Variants in ZBTB2 observed in about 807,000 individuals in gnomAD.
The protein encoded by ZBTB2 is zinc finger and BTB domain containing 2.
ZBTB2 carries 2 observed loss-of-function variants against 39.5 expected under a neutral mutation model. That is an observed-to-expected ratio of 0.05 (90% confidence interval 0.02 to 0.16). The LOEUF (loss-of-function observed/expected upper bound fraction) is 0.16. ZBTB2 is among the 10% of genes least tolerant of loss of function. ZBTB2 has a pLI of 1.00. For synonymous variants in ZBTB2, 251 were observed against 256.6 expected, an observed-to-expected ratio of 0.98 and a Z score of 0.21; for missense variants, 391 against 653.0, an observed-to-expected ratio of 0.60 and a Z score of 4.37.
chr6:151,390,492 C>T (rs1182568924), intron 1 of ZBTB2, among the ~76,000 whole-genome samples: 1 of 150,294 alleles, frequency 6.7e-6, no homozygotes, highest in Non-Finnish European at 1.5e-5. Context: ...AATGCCGACG[C>T]CTACGCCGTG....
At chr6:151,381,188 T>A (rs1181717381) in intron 1 of ZBTB2, among the ~76,000 whole-genome samples, 1 of 152,194 alleles carries the variant, frequency 6.6e-6, no homozygotes, top group Non-Finnish European at 1.5e-5. Flanking sequence ...ACAGCCAGAA[T>A]GACCTTGCGA....
At chr6:151,386,923 T>C (rs897532500) in intron 1 of ZBTB2, among the ~76,000 whole-genome samples, 1 of 152,238 alleles carries the variant, frequency 6.6e-6, no homozygotes, top group Non-Finnish European at 1.5e-5. Flanking sequence ...AACATTTTTA[T>C]GAAAAAATAA....
In ZBTB2 at chr6:151,364,775, G is replaced by A. The variant is rs924820781; in HGVS notation, c.*746C>T. 2 of 152,520 alleles carry A rather than the reference G, an allele frequency of 1.3e-5. No homozygotes were observed. Among genetic ancestry groups the A allele is most frequent in the African/African-American group, 2.4e-5 (1 of 41,428 alleles). The allele number at this position is 152,520 out of a possible 1,614,324, so 9.4% of individuals were successfully genotyped here. ...GTCAGAAACTCAAATACAGCATTTT[G>A]TTGTTGCTCAACTTGGAAAGAAGCC... On this transcript the variant is annotated 3_prime_UTR_variant, in exon 3 of 3. Transcript: ENST00000325144.
chr6:151,370,910 A>G (rs1333282190), intron 2 of ZBTB2, among the ~76,000 whole-genome samples: 1 of 152,230 alleles, frequency 6.6e-6, no homozygotes, highest in Non-Finnish European at 1.5e-5. Context: ...ACACTGTTGT[A>G]TTACACAAAT....
At chr6:151,374,035 A>AAGGTGTTGGGGC (rs1778848438) in intron 1 of ZBTB2, among the ~76,000 whole-genome samples, 1 of 152,120 alleles carries the variant, frequency 6.6e-6, no homozygotes, top group African/African-American at 2.4e-5. Flanking sequence ...CGAGTCTTTT[A>AAGGTGTTGGGGC]GTTTAAAATT....
rs1342983542 is a variant in ZBTB2 at position 151,364,994 on chromosome 6, A to G, written c.*527T>C. On this transcript the variant is annotated 3_prime_UTR_variant, in exon 3 of 3. Transcript: ENST00000325144. Reference sequence around the variant, plus strand: ...AACTGATGATTTCTCTTAAGTGGACATAATCTCAAAGGATGCATTCTGAAG... The same window carrying G: ...AACTGATGATTTCTCTTAAGTGGACGTAATCTCAAAGGATGCATTCTGAAG... 6.5e-6 allele frequency: 1 copy of G among 153,084 alleles called. No individual in the cohort carries two copies. Among genetic ancestry groups the G allele is most frequent in the Non-Finnish European group, 1.5e-5 (1 of 68,366 alleles). 9.5% of individuals were successfully genotyped at this position (153,084 alleles called of 1,614,324 possible). A position where few individuals can be genotyped will look rare whatever the true frequency, so the allele number is the denominator to read the frequency against.
rs1448029060 is a variant in ZBTB2 at position 151,373,578 on chromosome 6, A to G, written c.60T>C (p.Phe20=). 1 of 1,614,104 alleles carries G rather than the reference A, an allele frequency of 6.2e-7. No individual in the cohort carries two copies. Among genetic ancestry groups the G allele is most frequent in the Non-Finnish European group, 8.5e-7 (1 of 1,180,052 alleles). The change falls in exon 2 of 3, where the codon TTT becomes TTC. Residue 20 remains phenylalanine, a synonymous_variant. Transcript: ENST00000325144. ...CAACCGTGCAGTCACACAGGAAACCAAACTCTCGCTGAGCGTTTAACTGTT... is the reference window on the plus strand; with the variant it reads ...CAACCGTGCAGTCACACAGGAAACCGAACTCTCGCTGAGCGTTTAACTGTT... ...LLQQLNAQRE[F]GFLCDCTVAI...
chr6:151,364,671 AG>A lies in ZBTB2; in HGVS notation c.*849del, dbSNP rs1464406120. The A allele has an allele frequency of 1.3e-5, 2 of 152,260 alleles. No homozygotes were observed. Among genetic ancestry groups the A allele is most frequent in the Non-Finnish European group, 2.9e-5 (2 of 68,048 alleles). 9.4% of individuals were successfully genotyped at this position (152,260 alleles called of 1,614,324 possible). A position where few individuals can be genotyped will look rare whatever the true frequency, so the allele number is the denominator to read the frequency against. On this transcript the variant is annotated 3_prime_UTR_variant, in exon 3 of 3. Coordinates refer to ENST00000325144, the MANE Select transcript of ZBTB2 (RefSeq NM_020861.3). ...AAACAAATTATCACTGGCAGCTGCT[AG>A]AAAATGGCATGTCATGTTCTATTCA...
chr6:151,367,485 C>A (rs1163631717), intron 2 of ZBTB2, among the ~76,000 whole-genome samples: 3 of 152,122 alleles, frequency 2.0e-5, no homozygotes, highest in Non-Finnish European at 2.9e-5. Flanking sequence ...TATCAAATGC[C>A]ACCATCAACA....
intron 1 of ZBTB2, among the ~76,000 whole-genome samples, chr6:151,390,962 G>C (rs1243242617): frequency 6.7e-6 from 1 of 150,140 alleles, no homozygotes; most frequent in African/African-American, 2.5e-5. Flanking sequence ...GTGGCGGCGG[G>C]AAGGGAGGGA....
At chr6:151,377,394 G>C (rs1778936476) in intron 1 of ZBTB2, among the ~76,000 whole-genome samples, 1 of 148,184 alleles carries the variant, frequency 6.7e-6, no homozygotes. Context: ...TTGAGACAGA[G>C]TTTCGCTCTT....
At position 151,366,598 on chromosome 6, in the gene ZBTB2, C is replaced by T; in HGVS notation, c.468G>A (p.Gly156=). The T allele has an allele frequency of 6.2e-7, 1 of 1,613,994 alleles. No homozygotes were observed. The highest frequency in any genetic ancestry group is 8.5e-7 in the Non-Finnish European group (1 of 1,180,018). The change falls in exon 3 of 3, where the codon GGG becomes GGA. Residue 156 remains glycine, a synonymous_variant. Coordinates refer to ENST00000325144, the MANE Select transcript of ZBTB2 (RefSeq NM_020861.3). This position sits in a 1 kb window ranked among gnomAD's most constrained non-coding sequence, Gnocchi z 7.1. ...TKIASAPEKL[G]RDPRPQTSRI... The stretch of plus-strand genomic sequence containing the variant: ...TGGAGGTCTGTGGCCGTGGATCTCG[C>T]CCGAGTTTTTCAGGTGCTGAAGCAA...
At chr6:151,373,108 TTG>T (rs1778820667) in intron 2 of ZBTB2, among the ~76,000 whole-genome samples, 5 of 128,916 alleles carry the variant, frequency 3.9e-5, no homozygotes, top group Non-Finnish European at 6.1e-5. Flanking sequence ...TGAGCCGAGA[TTG>T]CACCACTGCA....
intron 2 of ZBTB2, among the ~76,000 whole-genome samples, chr6:151,373,154 CAAAAAAAAAAAAAAAAAAAAAAAAAAA>C (rs58019601): frequency 3.6e-5 from 1 of 27,822 alleles, no homozygotes; most frequent in African/African-American, 1.2e-4. Flanking sequence ...GACTCCGTCT[CAAAAAAAAAAAAAAAAAAAAAAAAAAA>C]AAAAAAAAAA....
At chr6:151,387,672 C>T (rs1473484631) in intron 1 of ZBTB2, among the ~76,000 whole-genome samples, 1 of 152,198 alleles carries the variant, frequency 6.6e-6, no homozygotes, top group Non-Finnish European at 1.5e-5. Flanking sequence ...AAAGTAGTTT[C>T]CCTAAGTACT....
chr6:151,390,728 G>C (rs918567329), intron 1 of ZBTB2, among the ~76,000 whole-genome samples: 4 of 151,774 alleles, frequency 2.6e-5, no homozygotes, highest in East Asian at 3.9e-4. Context: ...CAGAGAGGCC[G>C]GGCCTGCTCC....
intron 1 of ZBTB2, among the ~76,000 whole-genome samples, chr6:151,380,109 G>A (rs1039367137): frequency 7.9e-5 from 12 of 151,266 alleles, no homozygotes; most frequent in African/African-American, 2.7e-4. Flanking sequence ...CAAATACAGA[G>A]GAAAGAATAC....
chr6:151,389,250 C>T (rs1355841683), intron 1 of ZBTB2, among the ~76,000 whole-genome samples: 1 of 152,128 alleles, frequency 6.6e-6, no homozygotes, highest in African/African-American at 2.4e-5. Context: ...AGCGAGATCC[C>T]TGCCTCTTAC....
At chr6:151,373,749 T>C (rs966154032) in intron 1 of ZBTB2, 100 bp from the exon 2 acceptor site, 3 of 1,122,644 alleles carry the variant, frequency 2.7e-6, no homozygotes, top group East Asian at 2.8e-5. Context: ...CATGTCATCA[T>C]AGCTAACGTG....
Sources: gnomAD v4.1 joint callset for allele counts (sites outside exome capture counted in the v4.1 genomes callset) on GRCh38, gnomAD v4.1.1 for gene constraint, Gnocchi (gnomAD v3.1) non-coding constraint, MANE v1.5 for transcripts, NCBI Gene and HGNC (gene_info 2026-07-23, HGNC 2026-07-21) for gene names.